DKK2: variants seen among roughly 807,000 people sequenced by gnomAD.
DKK2 encodes dickkopf Wnt signaling pathway inhibitor 2.
Under a neutral mutation model 28.1 loss-of-function variants are expected in DKK2, and 11 were observed. The observed-to-expected ratio is 0.39, with a 90% CI of 0.25 to 0.65. The LOEUF (loss-of-function observed/expected upper bound fraction) is 0.65, where lower values mean the gene tolerates loss of function less well. DKK2 is among the 30% of genes least tolerant of loss of function. The pLI, the probability that DKK2 is intolerant of heterozygous loss-of-function variation, is 0.47. For missense variants in DKK2, 326 were observed against 335.5 expected, an observed-to-expected ratio of 0.97 and a Z score of 0.22; for synonymous variants, 135 against 126.5, an observed-to-expected ratio of 1.07 and a Z score of -0.45.
intron 1 of DKK2, among the ~76,000 whole-genome samples, chr4:107,030,927 T>A (rs1723866833): frequency 2.0e-5 from 3 of 151,960 alleles, no homozygotes; most frequent in Non-Finnish European, 4.4e-5. Flanking sequence ...AAAGTTTGTA[T>A]TGTAGAAGAA....
At chr4:107,026,367 AC>A (rs1458743234) in intron 1 of DKK2, among the ~76,000 whole-genome samples, 21 of 152,202 alleles carry the variant, frequency 1.4e-4, no homozygotes, top group African/African-American at 5.1e-4. Flanking sequence ...TAGCAAAAAA[AC>A]TCTTTAGTAC....
chr4:106,978,574 G>A (rs1722977338), intron 1 of DKK2, among the ~76,000 whole-genome samples: 1 of 152,030 alleles, frequency 6.6e-6, no homozygotes, highest in Non-Finnish European at 1.5e-5. Flanking sequence ...CCTCAGTACT[G>A]GTGGATGCCC....
At chr4:107,027,774 CAG>C (rs1311236108) in intron 1 of DKK2, among the ~76,000 whole-genome samples, 2 of 89,726 alleles carry the variant, frequency 2.2e-5, no homozygotes, top group African/African-American at 3.9e-5. Flanking sequence ...TTTTTTGAGA[CAG>C]AGTCTCGCTC....
At chr4:106,997,236 C>G (rs569315560) in intron 1 of DKK2, among the ~76,000 whole-genome samples, 1 of 152,224 alleles carries the variant, frequency 6.6e-6, no homozygotes, top group African/African-American at 2.4e-5. Context: ...CTCTTTCTTT[C>G]TATACTTTTA....
At chr4:106,950,126 T>C (rs1395173219) in intron 1 of DKK2, among the ~76,000 whole-genome samples, 1 of 152,184 alleles carries the variant, frequency 6.6e-6, no homozygotes, top group East Asian at 1.9e-4. Context: ...AAAAATGTTT[T>C]AGGTAAGGAA....
intron 1 of DKK2, among the ~76,000 whole-genome samples, chr4:107,001,539 A>T (rs1010743514): frequency 4.6e-5 from 7 of 151,962 alleles, no homozygotes; most frequent in South Asian, 4.1e-4. Context: ...ACTAGAATTT[A>T]AAAAAAACGA....
chr4:106,957,313 A>G (rs935335554), intron 1 of DKK2, among the ~76,000 whole-genome samples: 1 of 151,142 alleles, frequency 6.6e-6, no homozygotes, highest in African/African-American at 2.4e-5. Flanking sequence ...TGGGACTGTA[A>G]ACTAGTTCAA....
At chr4:107,029,892 CTG>C (rs1172052772) in intron 1 of DKK2, among the ~76,000 whole-genome samples, 1 of 151,924 alleles carries the variant, frequency 6.6e-6, no homozygotes, top group East Asian at 1.9e-4. Flanking sequence ...CCTTTTGACT[CTG>C]TGGAAAAAGA....
intron 1 of DKK2, among the ~76,000 whole-genome samples, chr4:106,930,041 C>A (rs1173689746): frequency 6.6e-6 from 1 of 152,080 alleles, no homozygotes; most frequent in Non-Finnish European, 1.5e-5. Flanking sequence ...TTTCTAGAAG[C>A]CTCCGAATAC....
At position 106,995,955 on chromosome 4, in the gene DKK2, C is replaced by A. The variant is rs779490659; in HGVS notation, c.222+39415G>T. Among the ~76,000 whole-genome samples the A allele has an allele frequency of 9.9e-5, 15 of 152,232 alleles. No homozygotes were observed. In the South Asian group the frequency reaches 1.0e-3, roughly 11 times the overall value. On this transcript the variant is annotated intron_variant, in intron 1 of 3. Coordinates refer to ENST00000285311, the MANE Select transcript of DKK2 (RefSeq NM_014421.3). ...ACAAACTCTTTCTCCATGGGCACTCCAAAAGAAATTTTACTTCCATGTTTT... is the reference window on the plus strand; with the variant it reads ...ACAAACTCTTTCTCCATGGGCACTCAAAAAGAAATTTTACTTCCATGTTTT...
At chr4:106,954,151 G>A (rs747278497) in intron 1 of DKK2, among the ~76,000 whole-genome samples, 3 of 152,128 alleles carry the variant, frequency 2.0e-5, no homozygotes, top group Non-Finnish European at 1.5e-5. Context: ...ATAACCTGCA[G>A]GATGGAAAGT....
intron 1 of DKK2, among the ~76,000 whole-genome samples, chr4:106,998,157 A>T (rs985290426): frequency 1.3e-5 from 2 of 152,200 alleles, no homozygotes; most frequent in African/African-American, 4.8e-5. Context: ...AAGCAAAGGG[A>T]CTTTTTCTTC....
At chr4:106,949,719 A>C (rs1388646800) in intron 1 of DKK2, among the ~76,000 whole-genome samples, 1 of 152,134 alleles carries the variant, frequency 6.6e-6, no homozygotes, top group African/African-American at 2.4e-5. Context: ...TTATTGAACA[A>C]GTTATCTCTT....
At chr4:107,033,739 G>C (rs1471560582) in intron 1 of DKK2, among the ~76,000 whole-genome samples, 1 of 151,996 alleles carries the variant, frequency 6.6e-6, no homozygotes, top group African/African-American at 2.4e-5. Flanking sequence ...GAAATTTGAA[G>C]TCAGTAGCAT....
At chr4:106,968,522 T>C (rs1279622381) in intron 1 of DKK2, among the ~76,000 whole-genome samples, 1 of 152,174 alleles carries the variant, frequency 6.6e-6, no homozygotes, top group Non-Finnish European at 1.5e-5. Context: ...CCACTGGGAA[T>C]GTCTTAATTT....
At chr4:106,970,070 G>C (rs1722842477) in intron 1 of DKK2, among the ~76,000 whole-genome samples, 1 of 152,106 alleles carries the variant, frequency 6.6e-6, no homozygotes, top group Non-Finnish European at 1.5e-5. Context: ...ACGTAAGCCA[G>C]GTAGCTTTTA....
chr4:106,962,823 C>G (rs897187134), intron 1 of DKK2, among the ~76,000 whole-genome samples: 1 of 151,312 alleles, frequency 6.6e-6, no homozygotes, highest in Non-Finnish European at 1.5e-5. Flanking sequence ...AGAGATAACA[C>G]GTAGAATAGG....
chr4:106,973,459 G>T (rs953152039), intron 1 of DKK2, among the ~76,000 whole-genome samples: 2 of 152,116 alleles, frequency 1.3e-5, no homozygotes, highest in African/African-American at 4.8e-5. Context: ...TCTAATTTTG[G>T]CTTTGATTTG....
intron 1 of DKK2, among the ~76,000 whole-genome samples, chr4:106,954,186 G>T (rs1722551235): frequency 6.6e-6 from 1 of 152,180 alleles, no homozygotes; most frequent in Non-Finnish European, 1.5e-5. Context: ...GATGTAGCCA[G>T]TGTCACCACT....
Sources: allele counts gnomAD v4.1 joint callset (sites outside exome capture counted in the v4.1 genomes callset), GRCh38; gene constraint gnomAD v4.1.1; transcripts MANE v1.5; gene names NCBI Gene and HGNC (gene_info 2026-07-23, HGNC 2026-07-21).